Variants in ADCY4 observed in about 807,000 individuals in gnomAD.
ADCY4 encodes adenylate cyclase 4.
In ADCY4, 111 loss-of-function variants were observed where a neutral mutation model predicts 125.5. The ratio of observed to expected loss-of-function variants is 0.88; its 90% CI spans 0.76 to 1.04. The LOEUF is 1.04. Among genes scored for constraint, ADCY4 ranks in the 50% least tolerant of loss-of-function variants. ADCY4 has a pLI of 0.00. For missense variants in ADCY4, 1,256 were observed against 1,382.9 expected, an observed-to-expected ratio of 0.91 and a Z score of 1.46; for synonymous variants, 576 against 586.9, an observed-to-expected ratio of 0.98 and a Z score of 0.27.
intron 20 of ADCY4, 130 bp downstream of exon 20, chr14:24,321,936 G>A (rs974949719): frequency 1.4e-6 from 2 of 1,413,942 alleles, no homozygotes; most frequent in African/African-American, 1.4e-5. Context: ...AAACAAAGAC[G>A]CTTGACAAGC....
At chr14:24,322,278 T>G (rs1163791425) in intron 19 of ADCY4, 54 bp from the exon 20 acceptor site, 1 of 1,561,776 alleles carries the variant, frequency 6.4e-7, no homozygotes, top group Non-Finnish European at 8.7e-7. Context: ...GAAGCCCAGC[T>G]CCTGAGTGTT....
intron 3 of ADCY4, 53 bp from the exon 4 acceptor site, chr14:24,331,990 G>A: frequency 6.8e-7 from 1 of 1,469,348 alleles, no homozygotes; most frequent in Non-Finnish European, 9.1e-7. Context: ...CTTGTCGTGT[G>A]TAGTTGGAGT....
rs1359527784 is a variant in ADCY4, at chr14:24,332,529, A to G, written c.512T>C (p.Leu171Pro). The change falls in exon 3 of 25, where the codon CTG becomes CCG. Residue 171 changes from leucine to proline, a missense_variant. Coordinates refer to ENST00000418030, the MANE Select transcript of ADCY4 (RefSeq NM_001198568.2). Reference protein sequence around the residue: ...GPQPDSRPALLPQLAANAVLF... With the variant: ...GPQPDSRPALPPQLAANAVLF... Reference sequence around the variant, plus strand: ...TGCTACTTGCGTGCTCACCTGCGGCAGCAGTGCAGGCCGTGAGTCCGGCTG... The same window carrying G: ...TGCTACTTGCGTGCTCACCTGCGGCGGCAGTGCAGGCCGTGAGTCCGGCTG... 6.4e-7 allele frequency: 1 copy of G among 1,566,792 alleles called. No individual in the cohort carries two copies. Among genetic ancestry groups the G allele is most frequent in the South Asian group, 1.2e-5 (1 of 85,556 alleles).
At position 24,325,434 on chromosome 14, in the gene ADCY4, G is replaced by T; in HGVS notation, c.1766C>A (p.Ala589Asp). ...SAIPAFKYYE[A>D]CTFLVFLSNF... Reference sequence around the variant, plus strand: ...GGAGAGAAAAACCAGGAAGGTGCAGGCTTCATAGTATTTGAAGGCGGGGAT... The same window carrying T: ...GGAGAGAAAAACCAGGAAGGTGCAGTCTTCATAGTATTTGAAGGCGGGGAT... Residue 589 changes from alanine (A) to aspartate (D), a missense_variant, in exon 14 of 25, where the codon GCC becomes GAC. Physicochemically the swap from Ala to Asp is moderately radical, Grantham distance 126 (BLOSUM62 -2). Transcript: ENST00000418030. The T allele has an allele frequency of 1.9e-6, 3 of 1,613,756 alleles. No homozygotes were observed. The highest frequency in any genetic ancestry group is 1.7e-6 in the Non-Finnish European group (2 of 1,179,966).
rs897456332 is a variant in ADCY4, at chr14:24,323,416, A to G, written c.2085T>C (p.Ala695=). ...FPTSSDCPFQ[A]PNVSSMISNL... ...TGGAAATCATGGAGGACACATTGGG[A>G]GCTTGGAAAGGGCAGTCTGATGATG... Residue 695 remains alanine, a synonymous_variant, in exon 17 of 25, where the codon GCT becomes GCC. Coordinates refer to ENST00000418030, the MANE Select transcript of ADCY4 (RefSeq NM_001198568.2). 7 of 1,556,242 alleles carry G rather than the reference A, an allele frequency of 4.5e-6. No individual in the cohort carries two copies. The African/African-American group carries it at 6.8e-5, about 15-fold the overall frequency.
intron 19 of ADCY4, 144 bp downstream of exon 19, chr14:24,322,480 G>T: frequency 1.1e-6 from 1 of 939,950 alleles, no homozygotes; most frequent in Non-Finnish European, 1.6e-6. Flanking sequence ...AGGAGGGGCA[G>T]GGAGTGAAGG....
Position 24,329,960 on chromosome 14 carries a change from T to C in ADCY4, c.1117A>G (p.Ser373Gly), listed in dbSNP as rs764584870. Residue 373 changes from serine (S) to glycine (G), a missense_variant, in exon 8 of 25, where the codon AGC (serine) becomes GGC (glycine). By Grantham distance (56) the Ser-to-Gly change is moderately conservative (BLOSUM62 0). Coordinates refer to ENST00000418030, the MANE Select transcript of ADCY4 (RefSeq NM_001198568.2). ...INMRVGVHSG[S>G]VLCGVIGLQK... is the part of the protein sequence containing the mutation. ...AGCCCGATGACTCCACACAGTACGCTGCCTGAGTGCACGCCCACACGCATG... is the reference window on the plus strand; with the variant it reads ...AGCCCGATGACTCCACACAGTACGCCGCCTGAGTGCACGCCCACACGCATG... 4.3e-6 allele frequency: 7 copies of C among 1,614,146 alleles called. No homozygotes were observed. The highest frequency in any genetic ancestry group is 1.1e-5 in the South Asian group (1 of 91,086).
chr14:24,331,842 C>T lies in ADCY4; in HGVS notation c.615G>A (p.Glu205=). Residue 205 remains glutamate, a synonymous_variant, in exon 4 of 25, where the codon GAG becomes GAA. Transcript: ENST00000418030. ...MERALRATFR[E]ALSSLHSRRR... ...GGCGTGAGTGCAGGGAGCTGAGTGC[C>T]TCCCGGAACGTGGCCCGCAGGGCGC... 6.2e-7 allele frequency: 1 copy of T among 1,604,434 alleles called. No individual in the cohort carries two copies.
intron 7 of ADCY4, 49 bp downstream of exon 7, chr14:24,330,119 C>T (rs766704793): frequency 3.1e-6 from 5 of 1,601,074 alleles, no homozygotes; most frequent in East Asian, 4.5e-5. Flanking sequence ...CTGCCTGCTG[C>T]CCCCCACATC....
At chr14:24,330,470 T>C (rs1279224154) in intron 6 of ADCY4, 175 bp from the exon 7 acceptor site, 2 of 822,570 alleles carry the variant, frequency 2.4e-6, no homozygotes, top group Non-Finnish European at 3.7e-6. Flanking sequence ...CTGTCTTTCA[T>C]ACAGATCTCT....
chr14:24,323,912 G>T, intron 16 of ADCY4, 150 bp downstream of exon 16: 2 of 1,149,526 alleles, frequency 1.7e-6, no homozygotes, highest in Admixed American at 2.8e-5. Context: ...GATTGCTGGA[G>T]ACTGTAATTT....
At chr14:24,334,403 A>T in intron 1 of ADCY4, 91 bp downstream of exon 1, 1 of 1,454,560 alleles carries the variant, frequency 6.9e-7, no homozygotes, top group Non-Finnish European at 9.0e-7. Flanking sequence ...GCTCCCAGCA[A>T]CGAAAACACA....
In ADCY4 at chr14:24,332,306, A is replaced by G. The variant is rs2042053989; in HGVS notation, c.519+216T>C. On this transcript the variant is annotated intron_variant, in intron 3 of 24. Transcript: ENST00000418030. The stretch of plus-strand genomic sequence containing the variant: ...ACATCTGTTGTCCCCGGGGTAAACC[A>G]CGACACGACTCCCTTCCGTGTGGCC... 2.4e-5 allele frequency: 12 copies of G among 510,254 alleles called. 1 individual carries two copies. In the Middle Eastern group the frequency reaches 1.5e-3, roughly 66 times the overall value. The allele number at this position is 510,254 out of a possible 1,614,324, so 31.6% of individuals were successfully genotyped here.
chr14:24,322,068 C>T lies in ADCY4; in HGVS notation c.2584G>A (p.Glu862Lys), dbSNP rs1178534395. 1.4e-5 allele frequency: 22 copies of T among 1,610,592 alleles called. No homozygotes were observed. Among genetic ancestry groups the T allele is most frequent in the East Asian group, 2.2e-5 (1 of 44,834 alleles). Residue 862 changes from glutamate (E) to lysine (K), a missense_variant and splice_region_variant, in exon 20 of 25, where the codon GAG becomes AAG. By Grantham distance (56) the Glu-to-Lys change is moderately conservative. Coordinates refer to ENST00000418030, the MANE Select transcript of ADCY4 (RefSeq NM_001198568.2). ...PQFIGQNRRN[E>K]DLYHQSYECV... The stretch of plus-strand genomic sequence containing the variant: ...GGAGTCAGGGGGTCAGGAGTCACCT[C>T]GTTGCGCCGGTTCTGGCCAATGAAC...
chr14:24,331,930 G>A lies in ADCY4; in HGVS notation c.527C>T (p.Ala176Val). 6.4e-7 allele frequency: 1 copy of A among 1,557,784 alleles called. No individual in the cohort carries two copies. The part of the protein sequence containing the change: ...SRPALLPQLA[A>V]NAVLFLCGNV... Reference sequence around the variant, plus strand: ...CCCGCACAGGAACAGCACTGCGTTTGCTGCCAACTGTGGGTGAAGGCCAGC... The same window carrying A: ...CCCGCACAGGAACAGCACTGCGTTTACTGCCAACTGTGGGTGAAGGCCAGC... The change falls in exon 4 of 25, where the codon GCA becomes GTA. Residue 176 changes from alanine (A) to valine (V), a missense_variant. Ala to Val is a moderately conservative substitution (Grantham distance 64). Coordinates refer to ENST00000418030, the MANE Select transcript of ADCY4 (RefSeq NM_001198568.2).
chr14:24,330,637 C>T (rs12891732), intron 6 of ADCY4: 157,164 of 337,948 alleles, frequency 0.47, 42,025 homozygotes, highest in Middle Eastern at 0.59. Flanking sequence ...TCCCTGGAGT[C>T]TAAGCAGGTT....
intron 16 of ADCY4, 40 bp downstream of exon 16, chr14:24,324,022 A>G (rs781473255): frequency 5.0e-6 from 8 of 1,603,354 alleles, no homozygotes; most frequent in Non-Finnish European, 2.6e-6. Flanking sequence ...CAGGTCCAAC[A>G]TGCCCTCATG....
intron 6 of ADCY4, 147 bp downstream of exon 6, chr14:24,330,871 G>A (rs1373119338): frequency 5.9e-6 from 4 of 676,140 alleles, no homozygotes; most frequent in African/African-American, 3.6e-5. Context: ...ATGTTTGAGA[G>A]GGTTTCCTCC....
chr14:24,331,763 T>C (rs2042044496), intron 4 of ADCY4, 25 bp downstream of exon 4: 1 of 1,549,940 alleles, frequency 6.5e-7, no homozygotes. Flanking sequence ...GGAGCGCTGC[T>C]CTGACCTTCC....
Sources: gnomAD v4.1 joint callset for allele counts on GRCh38, gnomAD v4.1.1 for gene constraint, MANE v1.5 for transcripts, NCBI Gene and HGNC (gene_info 2026-07-23, HGNC 2026-07-21) for gene names.